EBF1: variants seen among roughly 807,000 people sequenced by gnomAD.
EBF1 encodes the protein transcription factor COE1.
A neutral mutation model predicts 68.4 loss-of-function variants in EBF1; 10 were observed. The observed-to-expected ratio is 0.15, with a 90% confidence interval of 0.09 to 0.25. The LOEUF (loss-of-function observed/expected upper bound fraction) is 0.25. EBF1 is among the 10% of genes least tolerant of loss of function. The probability of loss-of-function intolerance (pLI) is 1.00; values close to 1 mark genes in which losing one functional copy is unlikely to be tolerated. For synonymous variants in EBF1, 298 were observed against 299.8 expected (o/e 0.99, Z 0.06); for missense variants, 509 against 794.4 (o/e 0.64, Z 4.32).
At chr5:158,744,379 G>A (rs370038340) in intron 10 of EBF1, among the ~76,000 whole-genome samples, 3 of 152,022 alleles carry the variant, frequency 2.0e-5, no homozygotes, top group South Asian at 2.1e-4. Flanking sequence ...TAGTATCACC[G>A]AAACGAGGAA....
chr5:158,883,039 C>T (rs539700901), intron 6 of EBF1, among the ~76,000 whole-genome samples: 12 of 152,134 alleles, frequency 7.9e-5, no homozygotes, highest in African/African-American at 2.9e-4. Context: ...GGAGACAATC[C>T]CCAAGCCCAT....
intron 11 of EBF1, among the ~76,000 whole-genome samples, chr5:158,724,412 A>G (rs960763747): frequency 1.3e-5 from 2 of 152,030 alleles, no homozygotes; most frequent in African/African-American, 4.8e-5. Context: ...CTTTGCTGAA[A>G]CCCTTAGTCA....
At chr5:158,896,563 C>T (rs1802220586) in intron 6 of EBF1, among the ~76,000 whole-genome samples, 2 of 152,190 alleles carry the variant, frequency 1.3e-5, no homozygotes, top group Admixed American at 6.5e-5. Context: ...AAGTAACTTG[C>T]TCAAGACCAC....
intron 6 of EBF1, among the ~76,000 whole-genome samples, chr5:158,924,613 A>G (rs929307727): frequency 1.3e-5 from 2 of 151,860 alleles, no homozygotes; most frequent in Non-Finnish European, 2.9e-5. Flanking sequence ...AGCAGTTTGG[A>G]AGGCCGAGGC....
chr5:159,042,208 T>C (rs562140443), intron 6 of EBF1, among the ~76,000 whole-genome samples: 4 of 152,276 alleles, frequency 2.6e-5, no homozygotes, highest in African/African-American at 9.6e-5. Context: ...CCTGCCTGCA[T>C]CTTCTGCTCA....
At chr5:159,042,586 C>CTGTGTGTGTGTG (rs112231991) in intron 6 of EBF1, among the ~76,000 whole-genome samples, 10 of 148,638 alleles carry the variant, frequency 6.7e-5, no homozygotes, top group East Asian at 2.0e-4. Context: ...AATTCTTTGC[C>CTGTGTGTGTGTG]TGTGTGTGTG....
At chr5:159,054,196 T>C (rs1774327672) in intron 6 of EBF1, among the ~76,000 whole-genome samples, 1 of 152,230 alleles carries the variant, frequency 6.6e-6, no homozygotes. Context: ...TGGTTTGTCT[T>C]AACACTTGAT....
At chr5:158,935,328 G>T (rs1053862094) in intron 6 of EBF1, among the ~76,000 whole-genome samples, 4 of 152,198 alleles carry the variant, frequency 2.6e-5, no homozygotes, top group Non-Finnish European at 5.9e-5. Context: ...GCACCAAGGA[G>T]CTGAGGACAC....
chr5:159,082,647 G>C (rs1022157450), intron 5 of EBF1, among the ~76,000 whole-genome samples: 5 of 152,166 alleles, frequency 3.3e-5, no homozygotes, highest in African/African-American at 1.2e-4. Context: ...CAATTTAAAA[G>C]ACTGTTAGCC....
Position 158,871,081 on chromosome 5 carries a change from A to G in EBF1, c.555-30971T>C, listed in dbSNP as rs147361322. Among the ~76,000 whole-genome samples the G allele has an allele frequency of 2.0e-3, 310 of 152,352 alleles. 3 individuals carry two copies. The highest frequency in any genetic ancestry group is 7.3e-3 in the African/African-American group (303 of 41,592). ...TCTAATAGTGAAGGGGCTGCCTTAC[A>G]AGATGAATTCCCTATCACAGCACAC... is the stretch of plus-strand genomic sequence containing the variant. On this transcript the variant is annotated intron_variant, in intron 6 of 15. Coordinates refer to ENST00000313708, the MANE Select transcript of EBF1 (RefSeq NM_024007.5).
chr5:158,725,667 T>C (rs569818920), intron 11 of EBF1, among the ~76,000 whole-genome samples: 72 of 152,324 alleles, frequency 4.7e-4, no homozygotes, highest in Middle Eastern at 3.4e-3. Flanking sequence ...TCTTAGTGTA[T>C]GGTAATGAGG....
chr5:158,705,419 T>C (rs1757665946), intron 15 of EBF1, among the ~76,000 whole-genome samples: 1 of 152,204 alleles, frequency 6.6e-6, no homozygotes, highest in East Asian at 1.9e-4. Flanking sequence ...GCACAAGGTG[T>C]GTCCCTGAAT....
Position 158,699,076 on chromosome 5 carries a change from C to A in EBF1, c.*35G>T. 4 of 1,585,668 alleles carry A rather than the reference C, an allele frequency of 2.5e-6. No homozygotes were observed. Among genetic ancestry groups the A allele is most frequent in the South Asian group, 2.4e-5 (2 of 84,608 alleles). ...GATTACTCTCTGTAGCAGAATCCAA[C>A]CTCTTCATTAATACAATTCTTCAAG... On this transcript the variant is annotated 3_prime_UTR_variant, in exon 16 of 16. Coordinates refer to ENST00000313708, the MANE Select transcript of EBF1 (RefSeq NM_024007.5).
At chr5:158,784,622 G>A (rs2127706721) in intron 9 of EBF1, among the ~76,000 whole-genome samples, 1 of 152,006 alleles carries the variant, frequency 6.6e-6, no homozygotes, top group South Asian at 2.1e-4. Context: ...TTACTAGAAA[G>A]CACACCAGCG....
intron 11 of EBF1, among the ~76,000 whole-genome samples, chr5:158,726,630 G>C (rs982416707): frequency 6.6e-6 from 1 of 152,178 alleles, no homozygotes; most frequent in African/African-American, 2.4e-5. Flanking sequence ...GCTGGCTCTT[G>C]GAGAAAAGAC....
At chr5:158,764,531 C>T (rs1163945278) in intron 10 of EBF1, among the ~76,000 whole-genome samples, 1 of 152,166 alleles carries the variant, frequency 6.6e-6, no homozygotes, top group African/African-American at 2.4e-5. Context: ...TGTGAATACA[C>T]TGGTTGAGAA....
intron 6 of EBF1, among the ~76,000 whole-genome samples, chr5:158,906,410 T>C (rs944422061): frequency 2.6e-5 from 4 of 152,036 alleles, no homozygotes; most frequent in African/African-American, 7.2e-5. Context: ...CAAACCATTC[T>C]ATACAAAAAC....
intron 9 of EBF1, among the ~76,000 whole-genome samples, chr5:158,792,638 TA>T (rs2127733061): frequency 6.6e-6 from 1 of 152,218 alleles, no homozygotes; most frequent in African/African-American, 2.4e-5. Context: ...AAAGTCTACT[TA>T]AAATTAGAAG....
chr5:158,821,636 T>C (rs114555515), intron 8 of EBF1, among the ~76,000 whole-genome samples: 139 of 152,316 alleles, frequency 9.1e-4, no homozygotes, highest in Non-Finnish European at 1.6e-3. Flanking sequence ...CCTAATTTTT[T>C]CTTCCTCCTT....
Sources: gnomAD v4.1 joint callset for allele counts (sites outside exome capture counted in the v4.1 genomes callset) on GRCh38, gnomAD v4.1.1 for gene constraint, MANE v1.5 for transcripts, NCBI Gene and HGNC (gene_info 2026-07-23, HGNC 2026-07-21) for gene names.